ZNF793: variants seen among roughly 807,000 people sequenced by gnomAD.
The protein encoded by ZNF793 is zinc finger protein 793.
ZNF793 carries 5 observed loss-of-function variants against 12.4 expected under a neutral mutation model. The observed-to-expected ratio is 0.40, with a 90% CI of 0.21 to 0.84. The LOEUF is 0.84. ZNF793 is among the 40% of genes least tolerant of loss of function. The pLI is 0.35. For missense variants in ZNF793, 456 were observed against 495.0 expected (o/e 0.92, Z 0.75); for synonymous variants, 162 against 172.4 (o/e 0.94, Z 0.47).
chr19:37,537,832 A>G lies in ZNF793; in HGVS notation c.1174A>G (p.Lys392Glu), dbSNP rs762222533. 2 of 1,612,810 alleles carry G rather than the reference A, an allele frequency of 1.2e-6. No homozygotes were observed. The highest frequency in any genetic ancestry group is 2.2e-5 in the South Asian group (2 of 91,022). ...LSRHQKIHAR[K>E]NAYRNENLII... Reference sequence around the variant, plus strand: ...CAGACATCAGAAAATTCATGCTCGGAAGAATGCCTACAGGAATGAAAACTT... The same window carrying G: ...CAGACATCAGAAAATTCATGCTCGGGAGAATGCCTACAGGAATGAAAACTT... Residue 392 changes from lysine (K) to glutamate (E), a missense_variant, in exon 8 of 8, where the codon AAG becomes GAG. By Grantham distance (56) the Lys-to-Glu change is moderately conservative (BLOSUM62 1). Transcript: ENST00000627814.
intron 5 of ZNF793, among the ~76,000 whole-genome samples, chr19:37,525,728 A>G (rs1600414707): frequency 6.6e-6 from 1 of 151,922 alleles, no homozygotes; most frequent in East Asian, 1.9e-4. Context: ...GCCAATAGGA[A>G]TGATTTCTGT....
chr19:37,521,026 C>A (rs1370794303), intron 3 of ZNF793, among the ~76,000 whole-genome samples: 1 of 149,692 alleles, frequency 6.7e-6, no homozygotes, highest in South Asian at 2.1e-4. Flanking sequence ...CTCACTCTGT[C>A]GCCCAGGCTG....
chr19:37,538,878 A>G lies in ZNF793; in HGVS notation c.*999A>G, dbSNP rs1402057150. 1 of 152,262 alleles carries G rather than the reference A, an allele frequency of 6.6e-6. No homozygotes were observed. Among genetic ancestry groups the G allele is most frequent in the Non-Finnish European group, 1.5e-5 (1 of 68,040 alleles). 9.4% of individuals were successfully genotyped at this position (152,262 alleles called of 1,614,324 possible). A position where few individuals can be genotyped will look rare whatever the true frequency, so the allele number is the denominator to read the frequency against. On this transcript the variant is annotated 3_prime_UTR_variant, in exon 8 of 8. Coordinates refer to ENST00000627814, the MANE Select transcript of ZNF793 (RefSeq NM_001013659.3). ...TGTGAATATCAGACACATGTCACACAACATATAGAATGCCATTCAGAAAAC... is the reference window on the plus strand; with the variant it reads ...TGTGAATATCAGACACATGTCACACGACATATAGAATGCCATTCAGAAAAC...
intron 2 of ZNF793, among the ~76,000 whole-genome samples, chr19:37,518,602 C>G (rs764641196): frequency 4.4e-5 from 6 of 136,938 alleles, no homozygotes; most frequent in Admixed American, 7.9e-5. Context: ...AAGACCAGCC[C>G]GAAAAACATG....
chr19:37,532,562 G>A (rs2042470460), intron 6 of ZNF793, 80 bp downstream of exon 6: 8 of 1,469,418 alleles, frequency 5.4e-6, no homozygotes, highest in African/African-American at 1.4e-5. Context: ...AGCAACTGGA[G>A]TACTTTGGGA....
chr19:37,536,510 TAA>T, intron 7 of ZNF793: 1 of 404,994 alleles, frequency 2.5e-6, no homozygotes, highest in Non-Finnish European at 4.3e-6. Flanking sequence ...GCTTTGTGAA[TAA>T]AGTTTTATTA....
chr19:37,532,329 G>A (rs779250328), intron 5 of ZNF793, 27 bp from the exon 6 acceptor site: 32 of 1,605,554 alleles, frequency 2.0e-5, no homozygotes, highest in Non-Finnish European at 2.7e-5. Flanking sequence ...TTTTCGACAT[G>A]ACTCAATGTC....
chr19:37,524,937 C>T (rs1448277840), intron 5 of ZNF793, among the ~76,000 whole-genome samples: 2 of 152,110 alleles, frequency 1.3e-5, no homozygotes, highest in Non-Finnish European at 2.9e-5. Flanking sequence ...GTGTTAGACC[C>T]AAGGCAGAAC....
rs867306699 is a variant in ZNF793, at chr19:37,538,067, A to G, written c.*188A>G. The G allele has an allele frequency of 5.0e-6, 3 of 596,978 alleles. No homozygotes were observed. Among genetic ancestry groups the G allele is most frequent in the Non-Finnish European group, 8.2e-6 (3 of 366,834 alleles). The allele number at this position is 596,978 out of a possible 1,614,324, so 37.0% of individuals were successfully genotyped here. A position where few individuals can be genotyped will look rare whatever the true frequency, so the allele number is the denominator to read the frequency against. ...GCTGGGACTACAGGTGCCCACCACC[A>G]TGCCCGGCTAATTTTTTTTTTGTAT... On this transcript the variant is annotated 3_prime_UTR_variant, in exon 8 of 8. Coordinates refer to ENST00000627814, the MANE Select transcript of ZNF793 (RefSeq NM_001013659.3).
chr19:37,534,172 C>A (rs1466852198), intron 7 of ZNF793: 1 of 152,134 alleles, frequency 6.6e-6, no homozygotes, highest in Non-Finnish European at 1.5e-5. Flanking sequence ...TCCCGTTTTT[C>A]CAGCTACTCT....
At chr19:37,513,671 A>G (rs1289829082) in intron 2 of ZNF793, among the ~76,000 whole-genome samples, 3 of 152,254 alleles carry the variant, frequency 2.0e-5, no homozygotes, top group Non-Finnish European at 4.4e-5. Flanking sequence ...AAGACAAAGA[A>G]AGAAACTTTC....
chr19:37,527,958 A>G (rs2042429266), intron 5 of ZNF793, among the ~76,000 whole-genome samples: 1 of 140,564 alleles, frequency 7.1e-6, no homozygotes, highest in African/African-American at 2.6e-5. Context: ...GTCTCTACTG[A>G]AAAAAAAAAA....
At position 37,542,626 on chromosome 19, in the gene ZNF793, G is replaced by C. The variant is rs2042559253; in HGVS notation, c.*4747G>C. ...AAATTGTAGAAAGGAAAAAACTATA[G>C]TGTATCCATTCCATAGAATGTTAAT... On this transcript the variant is annotated 3_prime_UTR_variant, in exon 8 of 8. Coordinates refer to ENST00000627814, the MANE Select transcript of ZNF793 (RefSeq NM_001013659.3). 3 of 234,854 alleles carry C rather than the reference G, an allele frequency of 1.3e-5. No homozygotes were observed. The highest frequency in any genetic ancestry group is 2.6e-5 in the Non-Finnish European group (3 of 113,242). The allele number at this position is 234,854 out of a possible 1,614,324, so 14.5% of individuals were successfully genotyped here. A position where few individuals can be genotyped will look rare whatever the true frequency, so the allele number is the denominator to read the frequency against.
At chr19:37,512,206 A>G (rs985442485) in intron 2 of ZNF793, among the ~76,000 whole-genome samples, 5 of 152,082 alleles carry the variant, frequency 3.3e-5, no homozygotes, top group African/African-American at 1.2e-4. Context: ...ATTTTAAATA[A>G]TTTCAGATTT....
chr19:37,511,744 C>A (rs1379378342), intron 2 of ZNF793, among the ~76,000 whole-genome samples: 1 of 152,164 alleles, frequency 6.6e-6, no homozygotes, highest in Non-Finnish European at 1.5e-5. Context: ...CTATTATTCT[C>A]CCTGGAAGCC....
intron 2 of ZNF793, among the ~76,000 whole-genome samples, chr19:37,514,754 T>C (rs1484961118): frequency 1.3e-5 from 2 of 152,108 alleles, no homozygotes; most frequent in Non-Finnish European, 2.9e-5. Flanking sequence ...TTCTTATGAA[T>C]GTACATGTAA....
Position 37,540,644 on chromosome 19 carries a change from G to T in ZNF793, c.*2765G>T, listed in dbSNP as rs1042652095. The T allele has an allele frequency of 6.6e-6, 1 of 151,714 alleles. No individual in the cohort carries two copies. Among genetic ancestry groups the T allele is most frequent in the Non-Finnish European group, 1.5e-5 (1 of 67,920 alleles). 9.4% of individuals were successfully genotyped at this position (151,714 alleles called of 1,614,324 possible). A position where few individuals can be genotyped will look rare whatever the true frequency, so the allele number is the denominator to read the frequency against. On this transcript the variant is annotated 3_prime_UTR_variant, in exon 8 of 8. Transcript: ENST00000627814. The stretch of plus-strand genomic sequence containing the variant: ...ATCAGGAATTCAATATTGGCTTAGA[G>T]ATTCCAGTGAAGGCAATAAAAAGAA...
At chr19:37,526,142 A>G (rs913319833) in intron 5 of ZNF793, among the ~76,000 whole-genome samples, 3 of 152,052 alleles carry the variant, frequency 2.0e-5, no homozygotes, top group African/African-American at 7.2e-5. Flanking sequence ...CTAATTTTTA[A>G]AAGTTCAGTG....
chr19:37,540,528 A>T lies in ZNF793; in HGVS notation c.*2649A>T, dbSNP rs1020080458. The T allele has an allele frequency of 5.0e-5, 5 of 99,274 alleles. No homozygotes were observed. The highest frequency in any genetic ancestry group is 1.5e-4 in the African/African-American group (5 of 34,224). 6.1% of individuals were successfully genotyped at this position (99,274 alleles called of 1,614,324 possible). ...AGAATGTGTTAATTTACATTGTAAT[A>T]GATGGGAACCACTTAAAGCGGTTTT... is the stretch of plus-strand genomic sequence containing the variant. On this transcript the variant is annotated 3_prime_UTR_variant, in exon 8 of 8. Coordinates refer to ENST00000627814, the MANE Select transcript of ZNF793 (RefSeq NM_001013659.3).
Sources: gnomAD v4.1 joint callset for allele counts (sites outside exome capture counted in the v4.1 genomes callset) on GRCh38, gnomAD v4.1.1 for gene constraint, MANE v1.5 for transcripts, NCBI Gene and HGNC (gene_info 2026-07-23, HGNC 2026-07-21) for gene names.